The following DNAJC13 variants were observed in gnomAD, a reference collection of about 807,000 sequenced individuals.
DNAJC13 encodes dnaJ homolog subfamily C member 13.
In DNAJC13, 75 loss-of-function variants were observed where a neutral mutation model predicts 290.5. The observed-to-expected ratio is 0.26, with a 90% confidence interval of 0.21 to 0.31. DNAJC13 has a LOEUF of 0.31. Ranked by LOEUF, DNAJC13 falls within the 10% of genes least tolerant of loss-of-function variation. DNAJC13 has a pLI of 1.00. For synonymous variants in DNAJC13, 862 were observed against 892.0 expected (o/e 0.97, Z 0.60); for missense variants, 2,260 against 2,674.5 (o/e 0.85, Z 3.42).
intron 2 of DNAJC13, among the ~76,000 whole-genome samples, chr3:132,435,468 T>G (rs1939362147): frequency 6.6e-6 from 1 of 152,232 alleles, no homozygotes; most frequent in African/African-American, 2.4e-5. Context: ...TGGTAACTTC[T>G]TAGGATGTGG....
chr3:132,466,539 G>A, intron 19 of DNAJC13, 145 bp downstream of exon 19: 3 of 536,598 alleles, frequency 5.6e-6, no homozygotes, highest in South Asian at 6.6e-5. Context: ...TCTTTATTGA[G>A]GTAAAATTTA....
intron 44 of DNAJC13, among the ~76,000 whole-genome samples, chr3:132,512,022 T>C (rs2107732723): frequency 6.6e-6 from 1 of 152,326 alleles, no homozygotes; most frequent in Admixed American, 6.5e-5. Flanking sequence ...ATTACGCATT[T>C]ACAAGATGTA....
chr3:132,431,182 T>C (rs114290422), intron 1 of DNAJC13, among the ~76,000 whole-genome samples: 257 of 152,330 alleles, frequency 1.7e-3, no homozygotes, highest in Non-Finnish European at 2.5e-3. Flanking sequence ...CAAATACTTA[T>C]TTTTGAGCAC....
chr3:132,516,462 G>A lies in DNAJC13; in HGVS notation c.5526G>A (p.Ser1842=), dbSNP rs148726025. ...LVLETLYALT[S]STKIIKEAMA... is the part of the protein sequence containing the mutation. ...TGGAAACTCTTTATGCTTTGACATC[G>A]AGTACAAAAATAATCAAAGAAGCAA... Residue 1842 remains serine (S), a synonymous_variant, in exon 47 of 56, where the codon TCG becomes TCA. Transcript: ENST00000260818. 2.4e-5 allele frequency: 38 copies of A among 1,613,696 alleles called. 1 individual carries two copies. The highest frequency in any genetic ancestry group is 1.7e-4 in the Middle Eastern group (1 of 6,058).
At chr3:132,497,816 ACTTAGTTATTCACTGTTCTTT>A (rs1935283177) in intron 36 of DNAJC13, among the ~76,000 whole-genome samples, 1 of 151,354 alleles carries the variant, frequency 6.6e-6, no homozygotes. Flanking sequence ...ATCTGACAGG[ACTTAGTTATTCACTGTTCTTT>A]CTTATTACGT....
chr3:132,447,733 G>A lies in DNAJC13; in HGVS notation c.295-165G>A, dbSNP rs551913407. ...TATGTTTATCTTGTTCTTCAATAAG[G>A]TTTCATACTCTTTTTATTGAATATT... is the stretch of plus-strand genomic sequence containing the variant. On this transcript the variant is annotated intron_variant, in intron 4 of 55. Coordinates refer to ENST00000260818, the MANE Select transcript of DNAJC13 (RefSeq NM_015268.4). Among the ~76,000 whole-genome samples the A allele has an allele frequency of 6.6e-5, 10 of 152,044 alleles. No homozygotes were observed. The East Asian group carries it at 1.9e-3, about 29-fold the overall frequency.
intron 20 of DNAJC13, among the ~76,000 whole-genome samples, chr3:132,469,434 G>A (rs1934109942): frequency 6.6e-6 from 1 of 152,110 alleles, no homozygotes. Flanking sequence ...CTTTTTCTTT[G>A]TTATTTTCAG....
At chr3:132,512,304 CAAT>C (rs1476360554) in intron 44 of DNAJC13, among the ~76,000 whole-genome samples, 1 of 152,106 alleles carries the variant, frequency 6.6e-6, no homozygotes, top group Non-Finnish European at 1.5e-5. Context: ...TATTCCCTAT[CAAT>C]AAGTGGTTTG....
intron 17 of DNAJC13, among the ~76,000 whole-genome samples, chr3:132,464,960 T>G (rs559452368): frequency 1.6e-4 from 24 of 152,302 alleles, no homozygotes; most frequent in African/African-American, 5.5e-4. Context: ...GAAATATCAC[T>G]CTATTTGCAT....
At position 132,447,776 on chromosome 3, in the gene DNAJC13, A is replaced by T. The variant is rs1294788799; in HGVS notation, c.295-122A>T. The T allele has an allele frequency of 3.9e-6, 3 of 776,860 alleles. No homozygotes were observed. The East Asian group carries it at 8.0e-5, about 21-fold the overall frequency. The allele number at this position is 776,860 out of a possible 1,614,324, so 48.1% of individuals were successfully genotyped here. A position where few individuals can be genotyped will look rare whatever the true frequency, so the allele number is the denominator to read the frequency against. On this transcript the variant is annotated intron_variant, in intron 4 of 55. Coordinates refer to ENST00000260818, the MANE Select transcript of DNAJC13 (RefSeq NM_015268.4). ...TGAATATTCTTAAACTATAACTTGA[A>T]TAACAGTTTTTAGTGTCCAGGTTAC...
intron 51 of DNAJC13, among the ~76,000 whole-genome samples, chr3:132,525,163 C>T (rs1170290036): frequency 6.6e-6 from 1 of 152,084 alleles, no homozygotes; most frequent in Admixed American, 6.5e-5. Flanking sequence ...CATGGAGAAA[C>T]CCCGTCTCTA....
intron 55 of DNAJC13, among the ~76,000 whole-genome samples, chr3:132,536,409 A>C (rs935046554): frequency 3.9e-5 from 6 of 152,172 alleles, no homozygotes; most frequent in Non-Finnish European, 1.5e-5. Context: ...ACACACACAG[A>C]GGGGCAAAGG....
At position 132,495,079 on chromosome 3, in the gene DNAJC13, GT is replaced by G. The variant is rs957468274; in HGVS notation, c.3942-6del. ...ACTATACTCATAAAACAATTTTCCTGTTTAACAGGCATGATGAGAGCAAGAT... is the reference window on the plus strand; with the variant it reads ...ACTATACTCATAAAACAATTTTCCTGTTAACAGGCATGATGAGAGCAAGAT... On this transcript the variant is annotated splice_region_variant and splice_polypyrimidine_tract_variant and intron_variant, in intron 34 of 55. Coordinates refer to ENST00000260818, the MANE Select transcript of DNAJC13 (RefSeq NM_015268.4). The G allele has an allele frequency of 1.2e-6, 2 of 1,609,510 alleles. No homozygotes were observed. The highest frequency in any genetic ancestry group is 2.7e-5 in the African/African-American group (2 of 74,762).
At chr3:132,504,955 T>C (rs1379998779) in intron 41 of DNAJC13, among the ~76,000 whole-genome samples, 1 of 152,212 alleles carries the variant, frequency 6.6e-6, no homozygotes, top group Non-Finnish European at 1.5e-5. Flanking sequence ...TTTTCAAGCT[T>C]ATAGTCACAG....
rs749145585 is a variant in DNAJC13, at chr3:132,488,459, A to C, written c.3422+7A>C. ...ATGTGCTTCCTGTTGCTCGGTAAGAACTTTAAGGGTAATCTATTTAAAAGT... is the reference window on the plus strand; with the variant it reads ...ATGTGCTTCCTGTTGCTCGGTAAGACCTTTAAGGGTAATCTATTTAAAAGT... On this transcript the variant is annotated splice_region_variant and intron_variant, in intron 30 of 55. Transcript: ENST00000260818. 1.3e-5 allele frequency: 21 copies of C among 1,600,564 alleles called. No homozygotes were observed. The East Asian group carries it at 4.7e-4, about 36-fold the overall frequency.
chr3:132,425,944 A>G (rs1196554494), intron 1 of DNAJC13, among the ~76,000 whole-genome samples: 2 of 152,142 alleles, frequency 1.3e-5, no homozygotes, highest in African/African-American at 2.4e-5. Context: ...CTTAGTGTCA[A>G]CTTGATGTAG....
intron 35 of DNAJC13, 53 bp downstream of exon 35, chr3:132,495,219 A>C: frequency 7.1e-7 from 1 of 1,406,852 alleles, no homozygotes; most frequent in Non-Finnish European, 1.0e-6. Flanking sequence ...CTCTATTATT[A>C]TGTAGTTGGA....
chr3:132,465,566 A>G (rs1279940709), intron 17 of DNAJC13, among the ~76,000 whole-genome samples: 3 of 152,148 alleles, frequency 2.0e-5, no homozygotes, highest in Non-Finnish European at 4.4e-5. Flanking sequence ...GATCTTGCCA[A>G]AACGGTTATA....
Position 132,462,538 on chromosome 3 carries a change from T to A in DNAJC13, c.1770+15T>A. 3 of 1,592,912 alleles carry A rather than the reference T, an allele frequency of 1.9e-6. No homozygotes were observed. The South Asian group carries it at 3.4e-5, about 18-fold the overall frequency. On this transcript the variant is annotated intron_variant, in intron 16 of 55. Coordinates refer to ENST00000260818, the MANE Select transcript of DNAJC13 (RefSeq NM_015268.4). ...CAATAATAGAGGTGAGAGAACAATT[T>A]TGAAATTTTAACCTTACTTGAATGT...
Sources: allele counts gnomAD v4.1 joint callset (sites outside exome capture counted in the v4.1 genomes callset), GRCh38; gene constraint gnomAD v4.1.1; transcripts MANE v1.5; gene names NCBI Gene and HGNC (gene_info 2026-07-23, HGNC 2026-07-21).